Variants in SPOCK3 observed in about 807,000 individuals in gnomAD.
The protein encoded by SPOCK3 is testican-3.
A neutral mutation model predicts 56.6 loss-of-function variants in SPOCK3; 30 were observed. That is an observed-to-expected ratio of 0.53 (90% CI 0.40 to 0.72). SPOCK3 has a LOEUF of 0.72. Among genes scored for constraint, SPOCK3 ranks in the 30% least tolerant of loss-of-function variants. SPOCK3 has a pLI of 0.00. For missense variants in SPOCK3, 527 were observed against 530.0 expected (o/e 0.99, Z 0.06); for synonymous variants, 196 against 183.3 (o/e 1.07, Z -0.56).
intron 5 of SPOCK3, among the ~76,000 whole-genome samples, chr4:166,899,888 G>T (rs879707491): frequency 1.8e-4 from 27 of 152,150 alleles, no homozygotes; most frequent in Non-Finnish European, 3.5e-4. Context: ...AAGAAAAACT[G>T]CTATCTCTTT....
At chr4:167,187,796 T>C (rs1292585133) in intron 2 of SPOCK3, among the ~76,000 whole-genome samples, 1 of 152,174 alleles carries the variant, frequency 6.6e-6, no homozygotes, top group Non-Finnish European at 1.5e-5. Flanking sequence ...CAGTGCTACT[T>C]TAGTAAACAT....
At chr4:167,110,364 T>G (rs182970722) in intron 2 of SPOCK3, among the ~76,000 whole-genome samples, 74 of 152,186 alleles carry the variant, frequency 4.9e-4, no homozygotes, top group African/African-American at 1.7e-3. Context: ...CACCACCATA[T>G]GTACATTTCT....
intron 2 of SPOCK3, among the ~76,000 whole-genome samples, chr4:167,082,128 CAT>C (rs1187913831): frequency 9.9e-5 from 15 of 152,122 alleles, no homozygotes; most frequent in African/African-American, 3.1e-4. Context: ...GTTTGAAGCA[CAT>C]GTGTGCAACT....
chr4:167,175,026 A>G (rs968852015), intron 2 of SPOCK3, among the ~76,000 whole-genome samples: 1 of 152,114 alleles, frequency 6.6e-6, no homozygotes, highest in Non-Finnish European at 1.5e-5. Flanking sequence ...GCCACGTGCT[A>G]TGTTAGACAA....
intron 6 of SPOCK3, among the ~76,000 whole-genome samples, chr4:166,873,665 T>G (rs150994146): frequency 0.013 from 1,934 of 152,166 alleles, 23 homozygotes; most frequent in Non-Finnish European, 0.017. Flanking sequence ...AGATAAATTC[T>G]GATGTCCTTT....
At chr4:166,748,730 C>G (rs1218583207) in intron 8 of SPOCK3, among the ~76,000 whole-genome samples, 1 of 136,848 alleles carries the variant, frequency 7.3e-6, no homozygotes. Flanking sequence ...TTTTTGCAAT[C>G]TATTCATCTG....
chr4:167,013,307 A>G (rs1477739748), intron 3 of SPOCK3, among the ~76,000 whole-genome samples: 1 of 151,852 alleles, frequency 6.6e-6, no homozygotes, highest in Non-Finnish European at 1.5e-5. Flanking sequence ...TTATTCTACT[A>G]TTGTTCTACT....
chr4:167,000,289 G>T (rs1748813721), intron 4 of SPOCK3, 60 bp downstream of exon 4: 2 of 784,178 alleles, frequency 2.6e-6, no homozygotes, highest in South Asian at 1.8e-5. Flanking sequence ...TTTATACTCT[G>T]CAGTTATTCC....
Position 166,751,312 on chromosome 4 carries a change from A to G in SPOCK3, c.931+3196T>C, listed in dbSNP as rs564451596. On this transcript the variant is annotated intron_variant, in intron 8 of 10. Coordinates refer to ENST00000357545, the MANE Select transcript of SPOCK3 (RefSeq NM_001040159.2). ...TTATTAAATGTATACATAACCTCCA[A>G]TAATGTCATTAATTTTCATTTCATT... is the stretch of plus-strand genomic sequence containing the variant. 7.2e-5 allele frequency among the ~76,000 whole-genome samples: 11 copies of G among 152,292 alleles called. No homozygotes were observed. In the South Asian group the frequency reaches 2.1e-3, roughly 29 times the overall value.
At chr4:167,017,437 T>C (rs1167661745) in intron 3 of SPOCK3, among the ~76,000 whole-genome samples, 1 of 152,092 alleles carries the variant, frequency 6.6e-6, no homozygotes. Flanking sequence ...AGACCCATTC[T>C]CCAGACTGAA....
intron 6 of SPOCK3, among the ~76,000 whole-genome samples, chr4:166,868,158 C>T (rs532045175): frequency 2.6e-5 from 4 of 151,766 alleles, no homozygotes; most frequent in African/African-American, 7.2e-5. Flanking sequence ...TAAAAATTAC[C>T]CAGGTGCCAT....
intron 4 of SPOCK3, among the ~76,000 whole-genome samples, chr4:166,977,998 C>G (rs909138466): frequency 4.6e-5 from 7 of 152,118 alleles, no homozygotes; most frequent in African/African-American, 1.7e-4. Flanking sequence ...TGCTTAAAGT[C>G]TCCATTGACT....
At chr4:166,968,512 G>T (rs139049857) in intron 4 of SPOCK3, among the ~76,000 whole-genome samples, 22 of 152,284 alleles carry the variant, frequency 1.4e-4, no homozygotes, top group African/African-American at 4.8e-4. Context: ...TGACTAAACA[G>T]ACCAAGGTGC....
chr4:166,871,826 A>G (rs894508799), intron 6 of SPOCK3, among the ~76,000 whole-genome samples: 22 of 150,810 alleles, frequency 1.5e-4, no homozygotes, highest in Non-Finnish European at 1.5e-5. Flanking sequence ...TATATATAAA[A>G]CAATATAAAA....
intron 4 of SPOCK3, among the ~76,000 whole-genome samples, chr4:166,934,691 C>T (rs1740194551): frequency 1.3e-5 from 2 of 152,066 alleles, no homozygotes; most frequent in African/African-American, 2.4e-5. Flanking sequence ...GTGATAAACA[C>T]TCCTTTTCCA....
intron 7 of SPOCK3, among the ~76,000 whole-genome samples, chr4:166,780,434 AG>A (rs1740034779): frequency 6.6e-6 from 1 of 152,270 alleles, no homozygotes; most frequent in South Asian, 2.1e-4. Context: ...GGGCAAGATA[AG>A]GGACCCAAGA....
At chr4:167,007,855 T>C (rs914558718) in intron 3 of SPOCK3, among the ~76,000 whole-genome samples, 3 of 152,170 alleles carry the variant, frequency 2.0e-5, no homozygotes, top group African/African-American at 4.8e-5. Flanking sequence ...TGTTTAATTA[T>C]GAATATTACC....
intron 3 of SPOCK3, among the ~76,000 whole-genome samples, chr4:167,056,767 C>A (rs975170667): frequency 2.0e-5 from 3 of 152,128 alleles, no homozygotes; most frequent in African/African-American, 7.2e-5. Context: ...ACAAAGCCTC[C>A]AAGAAATACG....
chr4:167,122,662 C>T (rs888102761), intron 2 of SPOCK3, among the ~76,000 whole-genome samples: 2 of 152,114 alleles, frequency 1.3e-5, no homozygotes, highest in Non-Finnish European at 2.9e-5. Context: ...ATCCGTTATT[C>T]TTCCTTCATT....
Sources: gnomAD v4.1 joint callset for allele counts (sites outside exome capture counted in the v4.1 genomes callset) on GRCh38, gnomAD v4.1.1 for gene constraint, MANE v1.5 for transcripts, NCBI Gene and HGNC (gene_info 2026-07-23, HGNC 2026-07-21) for gene names.